Variants in MAP2K1 observed in about 807,000 individuals in gnomAD.
MAP2K1 encodes mitogen-activated protein kinase kinase 1, also known as dual specificity mitogen-activated protein kinase kinase 1.
Under a neutral mutation model 46.3 loss-of-function variants are expected in MAP2K1, and 16 were observed. That is an observed-to-expected ratio of 0.35 (90% CI 0.23 to 0.52). MAP2K1 has a LOEUF of 0.52. Among genes scored for constraint, MAP2K1 ranks in the 20% least tolerant of loss-of-function variants. MAP2K1 has a pLI of 0.94. For synonymous variants in MAP2K1, 183 were observed against 185.6 expected (o/e 0.99, Z 0.11); for missense variants, 263 against 497.1 (o/e 0.53, Z 4.48).
At chr15:66,447,705 T>TA (rs1891910025) in intron 5 of MAP2K1, among the ~76,000 whole-genome samples, 1 of 150,144 alleles carries the variant, frequency 6.7e-6, no homozygotes. Context: ...AAAAAAAGTT[T>TA]AATTGTAAAA....
At chr15:66,396,951 C>G (rs1299867083) in intron 1 of MAP2K1, among the ~76,000 whole-genome samples, 1 of 147,234 alleles carries the variant, frequency 6.8e-6, no homozygotes, top group Non-Finnish European at 1.5e-5. Flanking sequence ...TCCCAAAGTG[C>G]TGGGATTACA....
intron 5 of MAP2K1, among the ~76,000 whole-genome samples, chr15:66,468,181 G>A (rs1475585452): frequency 1.3e-5 from 2 of 152,074 alleles, no homozygotes; most frequent in Non-Finnish European, 2.9e-5. Context: ...ATATTTTTTA[G>A]TAGTAAATCA....
intron 5 of MAP2K1, among the ~76,000 whole-genome samples, chr15:66,475,444 G>C (rs1319007597): frequency 6.6e-6 from 1 of 152,054 alleles, no homozygotes; most frequent in Non-Finnish European, 1.5e-5. Flanking sequence ...CACTCTGCTT[G>C]CTTCTCAGCA....
At chr15:66,428,413 G>A (rs1016426921) in intron 1 of MAP2K1, among the ~76,000 whole-genome samples, 3 of 151,864 alleles carry the variant, frequency 2.0e-5, no homozygotes, top group African/African-American at 2.4e-5. Context: ...GGATAAGCCA[G>A]CAAGCTGAAG....
chr15:66,431,543 C>T (rs892913334), intron 1 of MAP2K1, among the ~76,000 whole-genome samples: 7 of 152,154 alleles, frequency 4.6e-5, no homozygotes, highest in African/African-American at 1.4e-4. Flanking sequence ...TGCCTTTTCT[C>T]CACTTCCACT....
At chr15:66,441,646 G>A (rs552320826) in intron 3 of MAP2K1, among the ~76,000 whole-genome samples, 1 of 151,678 alleles carries the variant, frequency 6.6e-6, no homozygotes, top group Non-Finnish European at 1.5e-5. Flanking sequence ...TTTGTTCCCT[G>A]CCTTGTTTCA....
chr15:66,485,315 A>C (rs1263034564), intron 7 of MAP2K1, 124 bp downstream of exon 7: 1 of 959,432 alleles, frequency 1.0e-6, no homozygotes, highest in Non-Finnish European at 1.5e-6. Flanking sequence ...CCTGGATGCC[A>C]GGCTAGGGCC....
At chr15:66,393,967 A>T (rs955709475) in intron 1 of MAP2K1, among the ~76,000 whole-genome samples, 6 of 152,156 alleles carry the variant, frequency 3.9e-5, no homozygotes, top group African/African-American at 1.4e-4. Context: ...CTGATCACTA[A>T]CTGATGTTAC....
In MAP2K1 at chr15:66,481,748, C is replaced by T. The variant is rs770946678; in HGVS notation, c.569-7C>T. The T allele has an allele frequency of 6.2e-7, 1 of 1,611,934 alleles. No individual in the cohort carries two copies. Among genetic ancestry groups the T allele is most frequent in the South Asian group, 1.1e-5 (1 of 91,012 alleles). On this transcript the variant is annotated splice_region_variant and splice_polypyrimidine_tract_variant and intron_variant, in intron 5 of 10. Coordinates refer to ENST00000307102, the MANE Select transcript of MAP2K1 (RefSeq NM_002755.4). The stretch of plus-strand genomic sequence containing the variant: ...TTCCCTCCTTTTCTATTTTCTCTTC[C>T]CTGCAGATGTCAAGCCCTCCAACAT...
chr15:66,405,291 C>T (rs1395324291), intron 1 of MAP2K1, among the ~76,000 whole-genome samples: 1 of 152,198 alleles, frequency 6.6e-6, no homozygotes, highest in Non-Finnish European at 1.5e-5. Flanking sequence ...TGGATCTTCA[C>T]TTCCCAAAAC....
rs556200914 is a variant in MAP2K1, at chr15:66,478,032, G to T, written c.569-3723G>T. Among the ~76,000 whole-genome samples the T allele has an allele frequency of 6.6e-5, 10 of 152,014 alleles. No individual in the cohort carries two copies. In the South Asian group the frequency reaches 8.3e-4, roughly 13 times the overall value. ...CTCGGCTGAAGTGTTTGTGGGCTCT[G>T]TCCTAACACTAGGCCCAGGGAAAGA... On this transcript the variant is annotated intron_variant, in intron 5 of 10. Coordinates refer to ENST00000307102, the MANE Select transcript of MAP2K1 (RefSeq NM_002755.4).
At chr15:66,406,969 C>T (rs182129335) in intron 1 of MAP2K1, among the ~76,000 whole-genome samples, 4 of 152,180 alleles carry the variant, frequency 2.6e-5, no homozygotes, top group Admixed American at 2.6e-4. Flanking sequence ...GCAGTCCAGC[C>T]TAGGCAACAA....
intron 1 of MAP2K1, among the ~76,000 whole-genome samples, chr15:66,427,185 A>G (rs146673367): frequency 2.0e-5 from 3 of 152,308 alleles, no homozygotes; most frequent in African/African-American, 7.2e-5. Flanking sequence ...AGAGTGAAAT[A>G]TTTTTTTAAA....
intron 3 of MAP2K1, among the ~76,000 whole-genome samples, chr15:66,442,546 T>C (rs890190584): frequency 6.6e-6 from 1 of 152,222 alleles, no homozygotes; most frequent in Non-Finnish European, 1.5e-5. Flanking sequence ...TAGGCAGTTA[T>C]GGTTTCATTG....
chr15:66,449,758 A>G (rs550085742), intron 5 of MAP2K1, among the ~76,000 whole-genome samples: 4 of 152,104 alleles, frequency 2.6e-5, no homozygotes, highest in African/African-American at 7.2e-5. Flanking sequence ...GTGGGCGCCT[A>G]TAATCCCAGC....
rs1555419279 is a variant in MAP2K1 at position 66,469,723 on chromosome 15, C to CAT, written c.569-12029_569-12028dup. On this transcript the variant is annotated intron_variant, in intron 5 of 10. Transcript: ENST00000307102. ...ACACACACACACACACACACACACACATATCGGATGTTAGCTTTTAATTAA... is the reference window on the plus strand; with the variant it reads ...ACACACACACACACACACACACACACATATATCGGATGTTAGCTTTTAATTAA... Among the ~76,000 whole-genome samples the CAT allele has an allele frequency of 1.8e-3, 246 of 134,552 alleles. 7 individuals are homozygous for CAT. Among genetic ancestry groups the CAT allele is most frequent in the Admixed American group, 3.9e-3 (49 of 12,638 alleles). The allele number at this position is 134,552 out of a possible 152,430, so 88.3% of individuals were successfully genotyped here. A position where few individuals can be genotyped will look rare whatever the true frequency, so the allele number is the denominator to read the frequency against.
intron 5 of MAP2K1, among the ~76,000 whole-genome samples, chr15:66,457,861 CCTGAGGCAGGAGAATCA>C (rs1352475353): frequency 7.9e-5 from 12 of 151,514 alleles, no homozygotes; most frequent in Non-Finnish European, 1.6e-4. Flanking sequence ...TACTCAGGAG[CCTGAGGCAGGAGAATCA>C]CTTGAACCCA....
Position 66,435,010 on chromosome 15 carries a change from TC to T in MAP2K1, c.81-13del, listed in dbSNP as rs774062689. 12 of 1,547,530 alleles carry T rather than the reference TC, an allele frequency of 7.8e-6. No individual in the cohort carries two copies. In the African/African-American group the frequency reaches 1.6e-4, roughly 21 times the overall value. Reference sequence around the variant, plus strand: ...CTCTGGTGACAGTATTGACTTGTGCTCCCCACTTTGGAACAGGACCAACTTG... The same window carrying T: ...CTCTGGTGACAGTATTGACTTGTGCTCCCACTTTGGAACAGGACCAACTTG... On this transcript the variant is annotated splice_polypyrimidine_tract_variant and intron_variant, in intron 1 of 10. Coordinates refer to ENST00000307102, the MANE Select transcript of MAP2K1 (RefSeq NM_002755.4).
chr15:66,443,082 A>ATTTTTTTTTTTTTTTTTTT, intron 3 of MAP2K1, among the ~76,000 whole-genome samples, 198 bp from the exon 4 acceptor site: 1 of 91,064 alleles, frequency 1.1e-5, no homozygotes, highest in Non-Finnish European at 2.0e-5. Context: ...TTGTGTGTGT[A>ATTTTTTTTTTTTTTTTTTT]TTTTTTTTTT....
Sources: gnomAD v4.1 joint callset for allele counts (sites outside exome capture counted in the v4.1 genomes callset) on GRCh38, gnomAD v4.1.1 for gene constraint, MANE v1.5 for transcripts, NCBI Gene and HGNC (gene_info 2026-07-23, HGNC 2026-07-21) for gene names.